Variants in UGGT2 observed in about 807,000 individuals in gnomAD.
UGGT2 encodes UDP-glucose:glycoprotein glucosyltransferase 2.
A neutral mutation model predicts 192.1 loss-of-function variants in UGGT2; 180 were observed. That is an observed-to-expected ratio of 0.94 (90% confidence interval 0.83 to 1.06). The LOEUF is 1.06. Among genes scored for constraint, UGGT2 ranks in the 50% least tolerant of loss-of-function variants. The probability of loss-of-function intolerance (pLI) is 0.00; values close to 1 mark genes in which losing one functional copy is unlikely to be tolerated. For synonymous variants in UGGT2, 580 were observed against 591.0 expected (o/e 0.98, Z 0.27); for missense variants, 1,849 against 1,795.7 (o/e 1.03, Z -0.54).
intron 29 of UGGT2, among the ~76,000 whole-genome samples, chr13:95,875,856 A>G (rs1891627060): frequency 6.6e-6 from 1 of 151,994 alleles, no homozygotes; most frequent in South Asian, 2.1e-4. Context: ...CCCTACTCCT[A>G]TATTATCTTT....
At chr13:95,931,044 T>G (rs1404980088) in intron 17 of UGGT2, among the ~76,000 whole-genome samples, 1 of 152,212 alleles carries the variant, frequency 6.6e-6, no homozygotes, top group Non-Finnish European at 1.5e-5. Context: ...TTCCCTTATC[T>G]GGCCCCACCC....
intron 20 of UGGT2, among the ~76,000 whole-genome samples, chr13:95,914,251 A>G (rs2048604025): frequency 6.6e-6 from 1 of 152,134 alleles, no homozygotes; most frequent in South Asian, 2.1e-4. Flanking sequence ...TATAATAAAA[A>G]AAAAAAAGAA....
Position 95,801,705 on chromosome 13 carries a change from A to T in UGGT2, c.*85T>A. The T allele has an allele frequency of 7.1e-7, 1 of 1,404,384 alleles. No individual in the cohort carries two copies. The highest frequency in any genetic ancestry group is 9.8e-7 in the Non-Finnish European group (1 of 1,016,186). The allele number at this position is 1,404,384 out of a possible 1,614,324, so 87.0% of individuals were successfully genotyped here. On this transcript the variant is annotated 3_prime_UTR_variant, in exon 39 of 39. Transcript: ENST00000376747. Reference sequence around the variant, plus strand: ...TCACTGATCTTAACGAGACTTCCAAATCGTCTCAGCAGGGGCTCCAGACTT... The same window carrying T: ...TCACTGATCTTAACGAGACTTCCAATTCGTCTCAGCAGGGGCTCCAGACTT...
intron 29 of UGGT2, among the ~76,000 whole-genome samples, chr13:95,876,570 C>T (rs1891700824): frequency 6.6e-6 from 1 of 152,146 alleles, no homozygotes; most frequent in African/African-American, 2.4e-5. Context: ...GTTTTGGGGT[C>T]CAAGGCAAAG....
At chr13:95,952,152 T>C (rs2050084128) in intron 12 of UGGT2, among the ~76,000 whole-genome samples, 2 of 151,864 alleles carry the variant, frequency 1.3e-5, no homozygotes, top group Admixed American at 6.6e-5. Context: ...ATGGATAGTT[T>C]AAGAAGTAGT....
intron 12 of UGGT2, among the ~76,000 whole-genome samples, chr13:95,966,083 A>G (rs2050570951): frequency 6.6e-6 from 1 of 152,232 alleles, no homozygotes; most frequent in Admixed American, 6.5e-5. Context: ...TCAAAGAGAT[A>G]CCTGCACTTG....
At chr13:95,856,576 C>A in intron 33 of UGGT2, 1 of 488,586 alleles carries the variant, frequency 2.0e-6, no homozygotes, top group South Asian at 2.2e-5. Context: ...AAAATAAGTG[C>A]ACTATATTAT....
intron 1 of UGGT2, among the ~76,000 whole-genome samples, chr13:96,038,083 C>T (rs1337497968): frequency 6.6e-6 from 1 of 152,204 alleles, no homozygotes; most frequent in African/African-American, 2.4e-5. Flanking sequence ...CATGAGGTAA[C>T]ACTGAGCATC....
intron 20 of UGGT2, among the ~76,000 whole-genome samples, chr13:95,916,214 T>C (rs2048678025): frequency 6.6e-6 from 1 of 152,194 alleles, no homozygotes; most frequent in Non-Finnish European, 1.5e-5. Flanking sequence ...GCCATCTTTG[T>C]TGTTTCACAG....
chr13:95,942,529 T>C (rs1455598174), intron 15 of UGGT2, among the ~76,000 whole-genome samples: 1 of 152,176 alleles, frequency 6.6e-6, no homozygotes, highest in Non-Finnish European at 1.5e-5. Flanking sequence ...TTATCTTGTT[T>C]AGTTACCATT....
intron 38 of UGGT2, among the ~76,000 whole-genome samples, chr13:95,817,739 G>T (rs1433134751): frequency 6.6e-6 from 1 of 151,982 alleles, no homozygotes; most frequent in Non-Finnish European, 1.5e-5. Context: ...AAATAGCAAA[G>T]ATTATAACAT....
intron 7 of UGGT2, among the ~76,000 whole-genome samples, chr13:95,994,019 A>C (rs1027750356): frequency 6.6e-6 from 1 of 152,114 alleles, no homozygotes; most frequent in African/African-American, 2.4e-5. Context: ...TGTATATGAA[A>C]TGGTAATCTG....
At chr13:96,031,773 G>A in intron 2 of UGGT2, 116 bp downstream of exon 2, 1 of 686,140 alleles carries the variant, frequency 1.5e-6, no homozygotes, top group South Asian at 3.1e-5. Context: ...TTAATGTTCG[G>A]ATTTACTAAC....
intron 5 of UGGT2, among the ~76,000 whole-genome samples, chr13:96,002,688 ATAAC>A (rs1422541547): frequency 1.3e-5 from 2 of 152,244 alleles, no homozygotes; most frequent in Admixed American, 1.3e-4. Flanking sequence ...CTAAATAGCA[ATAAC>A]TAACTCAAAA....
Position 96,023,720 on chromosome 13 carries a change from G to C in UGGT2, c.281C>G (p.Ala94Gly). Residue 94 changes from alanine to glycine, a missense_variant, in exon 3 of 39, where the codon GCT (alanine) becomes GGT (glycine). Coordinates refer to ENST00000376747, the MANE Select transcript of UGGT2 (RefSeq NM_020121.4). ...GTGTAAATTGTCTAGAAACTGTCCA[G>C]CTTTCTTCAGGATTAAGTTGTAATA... ...YSYYNLILKK[A>G]GQFLDNLHIN... The C allele has an allele frequency of 6.2e-7, 1 of 1,608,560 alleles. No individual in the cohort carries two copies. Among genetic ancestry groups the C allele is most frequent in the Non-Finnish European group, 8.5e-7 (1 of 1,176,274 alleles).
At chr13:95,864,610 T>G (rs994901561) in intron 30 of UGGT2, among the ~76,000 whole-genome samples, 3 of 152,190 alleles carry the variant, frequency 2.0e-5, no homozygotes, top group Non-Finnish European at 2.9e-5. Flanking sequence ...CCTTCTTTTT[T>G]CTTGTGGGGA....
chr13:95,980,320 G>A (rs188259872), intron 10 of UGGT2, among the ~76,000 whole-genome samples: 1 of 152,252 alleles, frequency 6.6e-6, no homozygotes, highest in East Asian at 1.9e-4. Context: ...GGATGGAATC[G>A]AAGACTATCA....
In UGGT2 at chr13:95,823,822, G is replaced by A. The variant is rs143575720; in HGVS notation, c.4528+9105C>T. 7.3e-3 allele frequency among the ~76,000 whole-genome samples: 1,110 copies of A among 152,076 alleles called. 19 individuals are homozygous for A. The highest frequency in any genetic ancestry group is 6.1e-3 in the Non-Finnish European group (411 of 67,910). On this transcript the variant is annotated intron_variant, in intron 38 of 38. Transcript: ENST00000376747. ...ATATTAGTTGTTACCTAGATAAACT[G>A]TTGTTGTTGTGTTAGTTTTACAGGC... is the stretch of plus-strand genomic sequence containing the variant.
At chr13:95,863,059 C>G (rs1890312992) in intron 31 of UGGT2, among the ~76,000 whole-genome samples, 1 of 152,054 alleles carries the variant, frequency 6.6e-6, no homozygotes, top group Admixed American at 6.6e-5. Flanking sequence ...TACAGGGTCT[C>G]ACTATGTTGC....
Sources: allele counts gnomAD v4.1 joint callset (sites outside exome capture counted in the v4.1 genomes callset), GRCh38; gene constraint gnomAD v4.1.1; transcripts MANE v1.5; gene names NCBI Gene and HGNC (gene_info 2026-07-23, HGNC 2026-07-21).